The following PIK3C2G variants were observed in gnomAD, a reference collection of about 807,000 sequenced individuals.
PIK3C2G encodes the protein phosphatidylinositol 3-kinase C2 domain-containing subunit gamma.
In PIK3C2G, 168 loss-of-function variants were observed where a neutral mutation model predicts 181.1. The observed-to-expected ratio is 0.93, with a 90% CI of 0.82 to 1.05. The LOEUF (loss-of-function observed/expected upper bound fraction) is 1.05, where lower values mean the gene tolerates loss of function less well. Among genes scored for constraint, PIK3C2G ranks in the 50% least tolerant of loss-of-function variants. PIK3C2G has a pLI of 0.00. For missense variants in PIK3C2G, 1,869 were observed against 1,732.8 expected (o/e 1.08, Z -1.40); for synonymous variants, 573 against 592.2 (o/e 0.97, Z 0.47).
chr12:18,698,826 T>C, the PIK3C2G span, among the ~76,000 whole-genome samples: 5 of 152,206 alleles, frequency 3.3e-5, no homozygotes, highest in African/African-American at 9.6e-5. Context: ...CAATAAACTA[T>C]TGTTGACTGT....
intron 31 of PIK3C2G, among the ~76,000 whole-genome samples, chr12:18,629,655 G>A (rs1266387632): frequency 6.6e-6 from 1 of 152,096 alleles, no homozygotes; most frequent in Non-Finnish European, 1.5e-5. Flanking sequence ...ATAGGATAAG[G>A]CCAAAAGTTT....
At chr12:18,695,115 T>A in the PIK3C2G span, 1 of 1,581,550 alleles carries the variant, frequency 6.3e-7, no homozygotes, top group African/African-American at 1.3e-5. Flanking sequence ...TGTCAGGTAA[T>A]AGAGAATACA....
In PIK3C2G at chr12:18,546,382, T is replaced by A; in HGVS notation, c.3540T>A (p.Asn1180Lys). Reference sequence around the variant, plus strand: ...TTCAAGACCTGAAATATGTGTATAATAATCTTCGTCCACAAGACACAGACC... The same window carrying A: ...TTCAAGACCTGAAATATGTGTATAAAAATCTTCGTCCACAAGACACAGACC... Reference protein sequence around the residue: ...SGIQDLKYVYNNLRPQDTDLE... With the variant: ...SGIQDLKYVYKNLRPQDTDLE... The change falls in exon 26 of 33, where the codon AAT (asparagine) becomes AAA (lysine). Residue 1180 changes from asparagine to lysine, a missense_variant. Physicochemically the swap from Asn to Lys is moderately conservative, Grantham distance 94. Coordinates refer to ENST00000538779, the MANE Select transcript of PIK3C2G (RefSeq NM_001288772.2). 1 of 1,601,948 alleles carries A rather than the reference T, an allele frequency of 6.2e-7. No homozygotes were observed. The highest frequency in any genetic ancestry group is 1.1e-5 in the South Asian group (1 of 88,800).
the PIK3C2G span, chr12:18,705,267 C>T: frequency 1.2e-6 from 2 of 1,613,926 alleles, no homozygotes; most frequent in African/African-American, 1.3e-5. Context: ...TCTTGTTGGG[C>T]AGTGGAGCAG....
intron 18 of PIK3C2G, among the ~76,000 whole-genome samples, chr12:18,437,424 T>G (rs1264657370): frequency 6.6e-6 from 1 of 151,992 alleles, no homozygotes; most frequent in East Asian, 1.9e-4. Flanking sequence ...CTTGCTTTGG[T>G]ATGTATGATT....
rs573781755 is a variant in PIK3C2G at position 18,495,808 on chromosome 12, A to G, written c.2794-254A>G. On this transcript the variant is annotated intron_variant, in intron 20 of 32. Coordinates refer to ENST00000538779, the MANE Select transcript of PIK3C2G (RefSeq NM_001288772.2). ...TATCACTACTGTTCACTGAGGAAAAAACGTGGTTGAAGATCTGTAATCTGT... is the reference window on the plus strand; with the variant it reads ...TATCACTACTGTTCACTGAGGAAAAGACGTGGTTGAAGATCTGTAATCTGT... Among the ~76,000 whole-genome samples the G allele has an allele frequency of 1.8e-4, 27 of 152,286 alleles. No individual in the cohort carries two copies. In the South Asian group the frequency reaches 4.8e-3, roughly 27 times the overall value.
At chr12:18,523,301 T>C (rs1433900220) in intron 24 of PIK3C2G, among the ~76,000 whole-genome samples, 1 of 152,196 alleles carries the variant, frequency 6.6e-6, no homozygotes, top group African/African-American at 2.4e-5. Flanking sequence ...TCCATGATTT[T>C]TTATAATCCT....
intron 11 of PIK3C2G, among the ~76,000 whole-genome samples, chr12:18,362,535 C>T (rs908330928): frequency 7.2e-5 from 11 of 152,176 alleles, no homozygotes; most frequent in African/African-American, 1.4e-4. Flanking sequence ...CAAAAGGAAT[C>T]GGTCAGCATA....
chr12:18,409,333 T>TG lies in PIK3C2G; in HGVS notation c.2315+9491dup, dbSNP rs1944723375. Among the ~76,000 whole-genome samples the TG allele has an allele frequency of 2.0e-5, 3 of 151,876 alleles. No individual in the cohort carries two copies. In the South Asian group the frequency reaches 6.2e-4, roughly 32 times the overall value. ...AACCCCAACTGTTCTCGCTTGTAAG[T>TG]GGGGGTTGAATAATGAGAACACATG... On this transcript the variant is annotated intron_variant, in intron 16 of 32. Transcript: ENST00000538779.
chr12:18,336,596 T>A (rs9300120), intron 8 of PIK3C2G, among the ~76,000 whole-genome samples: 8,964 of 152,224 alleles, frequency 0.059, 906 homozygotes, highest in African/African-American at 0.21. Flanking sequence ...CATCACAATA[T>A]TGACTTACAT....
chr12:18,723,402 C>CTCT, the PIK3C2G span: 1 of 1,612,872 alleles, frequency 6.2e-7, no homozygotes, highest in Non-Finnish European at 8.5e-7. Flanking sequence ...GAAATTGAGC[C>CTCT]AGATTACTTG....
At chr12:18,618,952 G>A (rs1384443878) in intron 31 of PIK3C2G, among the ~76,000 whole-genome samples, 2 of 152,134 alleles carry the variant, frequency 1.3e-5, no homozygotes, top group South Asian at 2.1e-4. Flanking sequence ...TTGGGAGTCT[G>A]TTGGAAAATA....
Position 18,497,601 on chromosome 12 carries a change from T to C in PIK3C2G, c.2887-18T>C, listed in dbSNP as rs557177215. ...AATTCAAGGAAAAACCCAGGGTCTA[T>C]AATTTTGTTTTTAACAGGCTGGAGA... On this transcript the variant is annotated intron_variant, in intron 21 of 32. Coordinates refer to ENST00000538779, the MANE Select transcript of PIK3C2G (RefSeq NM_001288772.2). 1.2e-6 allele frequency: 2 copies of C among 1,603,170 alleles called. No individual in the cohort carries two copies. The highest frequency in any genetic ancestry group is 1.3e-5 in the African/African-American group (1 of 74,634).
rs150855961 is a variant in PIK3C2G, at chr12:18,592,721, T to C, written c.4012-1773T>C. ...TATATTTTGGGTGGTTTGACTCACC[T>C]GTTTGTTAGTTTTTAAAATTGACAG... On this transcript the variant is annotated intron_variant, in intron 29 of 32. Transcript: ENST00000538779. 5.9e-3 allele frequency among the ~76,000 whole-genome samples: 902 copies of C among 152,082 alleles called. 6 individuals are homozygous for C. Among genetic ancestry groups the C allele is most frequent in the African/African-American group, 0.021 (868 of 41,528 alleles).
intron 32 of PIK3C2G, among the ~76,000 whole-genome samples, chr12:18,641,763 T>TTG (rs1949853911): frequency 7.0e-6 from 1 of 142,100 alleles, no homozygotes; most frequent in African/African-American, 2.6e-5. Context: ...TTTTTTTTTT[T>TTG]GAGATGGAGC....
chr12:18,564,889 A>T (rs551335962), intron 28 of PIK3C2G, among the ~76,000 whole-genome samples: 72 of 152,278 alleles, frequency 4.7e-4, no homozygotes, highest in African/African-American at 1.7e-3. Flanking sequence ...TCTCTGTTCT[A>T]CACTGTACCT....
chr12:18,266,635 T>G (rs1435612816), intron 1 of PIK3C2G, among the ~76,000 whole-genome samples: 1 of 152,168 alleles, frequency 6.6e-6, no homozygotes, highest in Non-Finnish European at 1.5e-5. Context: ...TATGTTCAAA[T>G]ATGTTTTAGC....
chr12:18,552,423 G>A (rs1165274641), intron 26 of PIK3C2G, among the ~76,000 whole-genome samples: 6 of 151,726 alleles, frequency 4.0e-5, no homozygotes, highest in African/African-American at 1.2e-4. Context: ...ACTGTGATGC[G>A]AACTGTGGTT....
chr12:18,599,687 A>T (rs201480995), intron 30 of PIK3C2G, among the ~76,000 whole-genome samples: 3 of 99,184 alleles, frequency 3.0e-5, no homozygotes, highest in Admixed American at 1.9e-4. Flanking sequence ...TAAATAAAAA[A>T]AAATAAAAAT....
Sources: allele counts gnomAD v4.1 joint callset (sites outside exome capture counted in the v4.1 genomes callset), GRCh38; gene constraint gnomAD v4.1.1; transcripts MANE v1.5; gene names NCBI Gene and HGNC (gene_info 2026-07-23, HGNC 2026-07-21).